CCDC142: variants seen among roughly 807,000 people sequenced by gnomAD.
CCDC142 encodes coiled-coil domain containing 142.
Under a neutral mutation model 83.8 loss-of-function variants are expected in CCDC142, and 67 were observed. The ratio of observed to expected loss-of-function variants is 0.80; its 90% CI spans 0.66 to 0.98. The LOEUF (loss-of-function observed/expected upper bound fraction) is 0.98, where lower values mean the gene tolerates loss of function less well. Ranked by LOEUF, CCDC142 falls within the 50% of genes least tolerant of loss-of-function variation. CCDC142 has a pLI of 0.00. For missense variants in CCDC142, 905 were observed against 946.8 expected (o/e 0.96, Z 0.58); for synonymous variants, 421 against 421.2 (o/e 1.00, Z 0.01).
chr2:74,477,248 G>C (rs372517553), intron 5 of CCDC142, among the ~76,000 whole-genome samples: 177 of 152,188 alleles, frequency 1.2e-3, no homozygotes, highest in Middle Eastern at 6.8e-3. Context: ...CCTCTGAGCA[G>C]CTGGGATTAC....
chr2:74,481,438 CCCTT>C lies in CCDC142; in HGVS notation c.1108+10_1108+13del. Reference sequence around the variant, plus strand: ...CTGGGACTTATGTCACCCCCAGTGCCCCTTCCTTCTCACCTTGGTCCCAGCTCCA... The same window carrying C: ...CTGGGACTTATGTCACCCCCAGTGCCCCTTCTCACCTTGGTCCCAGCTCCA... On this transcript the variant is annotated intron_variant, in intron 2 of 8. Transcript: ENST00000393965. 6.2e-7 allele frequency: 1 copy of C among 1,614,072 alleles called. No individual in the cohort carries two copies. The highest frequency in any genetic ancestry group is 8.5e-7 in the Non-Finnish European group (1 of 1,179,994).
At chr2:74,479,908 G>C (rs1179200477) in intron 5 of CCDC142, among the ~76,000 whole-genome samples, 1 of 152,210 alleles carries the variant, frequency 6.6e-6, no homozygotes, top group East Asian at 1.9e-4. Context: ...AAACTTTTAA[G>C]AGAGGAGAAA....
chr2:74,482,532 C>T lies in CCDC142; in HGVS notation c.306G>A (p.Arg102=). 6.3e-7 allele frequency: 1 copy of T among 1,586,266 alleles called. No homozygotes were observed. Reference sequence around the variant, plus strand: ...AGTCTCGGGCCTGGAGGAGCTGCTCCCGCTCGCGATGCAGCCGCAGCAACA... The same window carrying T: ...AGTCTCGGGCCTGGAGGAGCTGCTCTCGCTCGCGATGCAGCCGCAGCAACA... The part of the protein sequence containing the change: ...RAVLLRLHRE[R]EQLLQARDCA... The change falls in exon 1 of 9, where the codon CGG becomes CGA. Residue 102 remains arginine, a synonymous_variant. Transcript: ENST00000393965. This position sits in a 1 kb window ranked among gnomAD's most constrained non-coding sequence, Gnocchi z 5.0.
At position 74,475,641 on chromosome 2, in the gene CCDC142, C is replaced by A. The variant is rs1558572228; in HGVS notation, c.1589G>T (p.Gly530Val). 1.2e-6 allele frequency: 2 copies of A among 1,614,050 alleles called. No individual in the cohort carries two copies. The highest frequency in any genetic ancestry group is 1.7e-6 in the Non-Finnish European group (2 of 1,179,966). The part of the protein sequence containing the change: ...MQGFKLYMPR[G>V]RYWRLRLCPE... Reference sequence around the variant, plus strand: ...ACAGAGACGAAGCCGCCAGTACCGACCCCGTGGCATGTAGAGCTTGAAACC... The same window carrying A: ...ACAGAGACGAAGCCGCCAGTACCGAACCCGTGGCATGTAGAGCTTGAAACC... Residue 530 changes from glycine to valine, a missense_variant, in exon 6 of 9, where the codon GGT becomes GTT. Gly to Val is a moderately radical substitution (Grantham distance 109). Around this residue, in one of 3 missense-constraint regions of CCDC142, gnomAD observed 265 missense variants for 288.9 expected, o/e 0.92. Transcript: ENST00000393965.
chr2:74,481,627 T>C, intron 1 of CCDC142, 89 bp from the exon 2 acceptor site: 1 of 1,369,278 alleles, frequency 7.3e-7, no homozygotes. Flanking sequence ...GAAGGCATGC[T>C]TCCTCCAAGA....
intron 5 of CCDC142, among the ~76,000 whole-genome samples, chr2:74,476,234 G>T (rs1295903518): frequency 6.6e-6 from 1 of 152,114 alleles, no homozygotes; most frequent in Non-Finnish European, 1.5e-5. Context: ...GTGCAGTGGC[G>T]TGATCTCGGC....
intron 5 of CCDC142, among the ~76,000 whole-genome samples, chr2:74,478,081 T>G (rs1672367310): frequency 6.7e-6 from 1 of 148,190 alleles, no homozygotes; most frequent in African/African-American, 2.4e-5. Context: ...TACTTTTTTT[T>G]TTTTGAGTCT....
intron 5 of CCDC142, among the ~76,000 whole-genome samples, chr2:74,477,221 C>T (rs569666034): frequency 3.9e-5 from 6 of 152,138 alleles, no homozygotes; most frequent in Non-Finnish European, 7.4e-5. Context: ...TGGGTTCAAC[C>T]GATTCTCATG....
Position 74,482,302 on chromosome 2 carries a change from T to C in CCDC142, c.536A>G (p.Glu179Gly). 2 of 1,611,626 alleles carry C rather than the reference T, an allele frequency of 1.2e-6. No homozygotes were observed. The highest frequency in any genetic ancestry group is 1.7e-6 in the Non-Finnish European group (2 of 1,179,496). Residue 179 changes from glutamate (E) to glycine (G), a missense_variant, in exon 1 of 9, where the codon GAG (glutamate) becomes GGG (glycine). Glu to Gly is a moderately conservative substitution (Grantham distance 98, BLOSUM62 -2). Coordinates refer to ENST00000393965, the MANE Select transcript of CCDC142 (RefSeq NM_001365575.2). The surrounding 1 kb of genome is among the most constrained non-coding windows in gnomAD (Gnocchi z 5.0). ...GCGAAGCTGCATCTCGATGACAGCC[T>C]CCAGGCACTGGGCGGCTAGTCCGAT... is the stretch of plus-strand genomic sequence containing the variant. Reference protein sequence around the residue: ...RPIGLAAQCLEAVIEMQLRAL... With the variant: ...RPIGLAAQCLGAVIEMQLRAL...
chr2:74,480,388 A>C (rs1672413646), intron 5 of CCDC142, among the ~76,000 whole-genome samples: 1 of 152,188 alleles, frequency 6.6e-6, no homozygotes, highest in Non-Finnish European at 1.5e-5. Context: ...CAAGGGTCCG[A>C]GACCAGATTG....
chr2:74,472,901 C>G lies in CCDC142; in HGVS notation c.*1645G>C. ...CAAATACAGCCTATCATGAATAGTC[C>G]TCTCATACGACGGTGAAAACCATAA... On this transcript the variant is annotated 3_prime_UTR_variant, in exon 9 of 9. Transcript: ENST00000393965. The G allele has an allele frequency of 1.7e-6, 1 of 575,380 alleles. No homozygotes were observed. Among genetic ancestry groups the G allele is most frequent in the Non-Finnish European group, 3.1e-6 (1 of 322,130 alleles). 35.6% of individuals were successfully genotyped at this position (575,380 alleles called of 1,614,324 possible).
chr2:74,481,357 A>C lies in CCDC142; in HGVS notation c.1124T>G (p.Leu375Trp). The C allele has an allele frequency of 6.2e-7, 1 of 1,614,124 alleles. No homozygotes were observed. Among genetic ancestry groups the C allele is most frequent in the Non-Finnish European group, 8.5e-7 (1 of 1,180,010 alleles). The change falls in exon 3 of 9, where the codon TTG (leucine) becomes TGG (tryptophan). Residue 375 changes from leucine (L) to tryptophan (W), a missense_variant. Coordinates refer to ENST00000393965, the MANE Select transcript of CCDC142 (RefSeq NM_001365575.2). ...GCTCTGACCCCCAAGAGCTGATCCC[A>C]AGGCCTGGCAGAAACCTGAGGATGA... ...WSWDQGFCQA[L>W]GSALGGQSSL...
At position 74,475,304 on chromosome 2, in the gene CCDC142, C is replaced by A; in HGVS notation, c.1717G>T (p.Ala573Ser). Residue 573 changes from alanine to serine, a missense_variant, in exon 7 of 9, where the codon GCC (alanine) becomes TCC (serine). Around this residue, in one of 3 missense-constraint regions of CCDC142, gnomAD observed 265 missense variants for 288.9 expected, o/e 0.92. Transcript: ENST00000393965. The stretch of plus-strand genomic sequence containing the variant: ...GTCAGAGCCTGACCAAGGGCAGGGG[C>A]CTGGGCTTGAGGTGGCAACCCTTGC... Reference protein sequence around the residue: ...GLQGLPPQAQAPALGQALTAI... With the variant: ...GLQGLPPQAQSPALGQALTAI... 2 of 1,614,102 alleles carry A rather than the reference C, an allele frequency of 1.2e-6. No individual in the cohort carries two copies. Among genetic ancestry groups the A allele is most frequent in the South Asian group, 1.1e-5 (1 of 91,074 alleles).
At position 74,475,272 on chromosome 2, in the gene CCDC142, G is replaced by A. The variant is rs765497207; in HGVS notation, c.1749C>T (p.Ile583=). Residue 583 remains isoleucine (I), a synonymous_variant, in exon 7 of 9, where the codon ATC becomes ATT. Coordinates refer to ENST00000393965, the MANE Select transcript of CCDC142 (RefSeq NM_001365575.2). ...APALGQALTA[I]VGAWLDHILT... ...GAATGTGGTCAAGCCAGGCACCCAC[G>A]ATGGCCGTCAGAGCCTGACCAAGGG... 18 of 1,614,142 alleles carry A rather than the reference G, an allele frequency of 1.1e-5. No individual in the cohort carries two copies. The highest frequency in any genetic ancestry group is 8.0e-5 in the African/African-American group (6 of 74,948).
rs1352482876 is a variant in CCDC142, at chr2:74,474,484, G to A, written c.*62C>T. The A allele has an allele frequency of 6.6e-7, 1 of 1,514,822 alleles. No homozygotes were observed. The highest frequency in any genetic ancestry group is 8.8e-7 in the Non-Finnish European group (1 of 1,137,392). 93.8% of individuals were successfully genotyped at this position (1,514,822 alleles called of 1,614,324 possible). The stretch of plus-strand genomic sequence containing the variant: ...GCTTCCTTAATATGCAATTCCAAAT[G>A]TCTGGATTTTCCAGCTAGAGATGGG... On this transcript the variant is annotated 3_prime_UTR_variant, in exon 9 of 9. Transcript: ENST00000393965.
In CCDC142 at chr2:74,475,671, A is replaced by G. The variant is rs374646181; in HGVS notation, c.1559T>C (p.Met520Thr). The G allele has an allele frequency of 1.9e-6, 3 of 1,613,990 alleles. No homozygotes were observed. Among genetic ancestry groups the G allele is most frequent in the Non-Finnish European group, 8.5e-7 (1 of 1,180,028 alleles). The change falls in exon 6 of 9, where the codon ATG (methionine) becomes ACG (threonine). Residue 520 changes from methionine to threonine, a missense_variant. Met to Thr is a moderately conservative substitution (Grantham distance 81). Around this residue, in one of 3 missense-constraint regions of CCDC142, gnomAD observed 265 missense variants for 288.9 expected, o/e 0.92. Coordinates refer to ENST00000393965, the MANE Select transcript of CCDC142 (RefSeq NM_001365575.2). ...VFSQECHKQA[M>T]QGFKLYMPRG... is the part of the protein sequence containing the mutation. ...TGGCATGTAGAGCTTGAAACCTTGCATGGCTTGTTTATGACATTCTTGAGA... is the reference window on the plus strand; with the variant it reads ...TGGCATGTAGAGCTTGAAACCTTGCGTGGCTTGTTTATGACATTCTTGAGA...
At chr2:74,475,514 C>G in intron 6 of CCDC142, 98 bp downstream of exon 6, 1 of 1,453,822 alleles carries the variant, frequency 6.9e-7, no homozygotes, top group Non-Finnish European at 9.4e-7. Context: ...AAGCTGAGGA[C>G]AAGGATGGAG....
At position 74,482,016 on chromosome 2, in the gene CCDC142, C is replaced by A. The variant is rs371934164; in HGVS notation, c.822G>T (p.Leu274=). The A allele has an allele frequency of 1.2e-6, 2 of 1,613,860 alleles. No individual in the cohort carries two copies. Among genetic ancestry groups the A allele is most frequent in the East Asian group, 4.5e-5 (2 of 44,880 alleles). Residue 274 remains leucine (L), a synonymous_variant, in exon 1 of 9, where the codon CTG becomes CTT. Transcript: ENST00000393965. The surrounding 1 kb of genome is among the most constrained non-coding windows in gnomAD (Gnocchi z 5.0). ...CGACCAGGCCCAGCAGCCCTGGTAG[C>A]AGATCCCCCTCCTCTTGGCACCGCC... ...LRRRCQEEGD[L]LPGLLGLVGG...
At chr2:74,478,898 C>T (rs959812585) in intron 5 of CCDC142, among the ~76,000 whole-genome samples, 2 of 151,616 alleles carry the variant, frequency 1.3e-5, no homozygotes, top group Admixed American at 1.3e-4. Context: ...TGGTGGCAGG[C>T]GCCTGTAATC....
Sources: gnomAD v4.1 joint callset for allele counts (sites outside exome capture counted in the v4.1 genomes callset) on GRCh38, gnomAD v4.1.1 for gene constraint, gnomAD v4.1.1 regional missense constraint, Gnocchi (gnomAD v3.1) non-coding constraint, MANE v1.5 for transcripts, NCBI Gene and HGNC (gene_info 2026-07-23, HGNC 2026-07-21) for gene names.